SLC29A1: variants seen among roughly 807,000 people sequenced by gnomAD.
SLC29A1 encodes solute carrier family 29 member 1 (Augustine blood group).
A neutral mutation model predicts 48.3 loss-of-function variants in SLC29A1; 22 were observed. The ratio of observed to expected loss-of-function variants is 0.46; its 90% CI spans 0.33 to 0.65. The LOEUF is 0.65. Ranked by LOEUF, SLC29A1 falls within the 30% of genes least tolerant of loss-of-function variation. The probability of loss-of-function intolerance (pLI) is 0.03; values close to 1 mark genes in which losing one functional copy is unlikely to be tolerated. For missense variants in SLC29A1, 491 were observed against 575.3 expected, an observed-to-expected ratio of 0.85 and a Z score of 1.50; for synonymous variants, 228 against 231.0, an observed-to-expected ratio of 0.99 and a Z score of 0.12.
At position 44,232,649 on chromosome 6, in the gene SLC29A1, C is replaced by A; in HGVS notation, c.1060-158C>A. 1 of 693,374 alleles carries A rather than the reference C, an allele frequency of 1.4e-6. No homozygotes were observed. The allele number at this position is 693,374 out of a possible 1,614,324, so 43.0% of individuals were successfully genotyped here. ...GAGATGTAGAATATTTCCAGCACTC[C>A]AGAAGGCTCCACCATGCCCCTTTCA... On this transcript the variant is annotated intron_variant, in intron 11 of 12. Transcript: ENST00000371755. This position sits in a 1 kb window ranked among gnomAD's most constrained non-coding sequence, Gnocchi z 4.7.
intron 8 of SLC29A1, 100 bp from the exon 9 acceptor site, chr6:44,231,264 G>A (rs925372917): frequency 2.6e-6 from 2 of 774,040 alleles, no homozygotes; most frequent in Non-Finnish European, 4.5e-6. Flanking sequence ...GGTTAAGGAG[G>A]CGTCTACTTT....
Position 44,231,359 on chromosome 6 carries a change from C to A in SLC29A1, c.767-5C>A, listed in dbSNP as rs8187634. 12 of 1,579,928 alleles carry A rather than the reference C, an allele frequency of 7.6e-6. No individual in the cohort carries two copies. Among genetic ancestry groups the A allele is most frequent in the South Asian group, 5.7e-5 (5 of 88,382 alleles). ...CACAACTTGGAGATTTCTTCCATCCCGCAGGAGAGGAGCCAAGAGCAGGCA... is the reference window on the plus strand; with the variant it reads ...CACAACTTGGAGATTTCTTCCATCCAGCAGGAGAGGAGCCAAGAGCAGGCA... On this transcript the variant is annotated splice_polypyrimidine_tract_variant and splice_region_variant and intron_variant, in intron 8 of 12. Coordinates refer to ENST00000371755, the MANE Select transcript of SLC29A1 (RefSeq NM_001372327.1).
chr6:44,230,087 C>T (rs1778481019), intron 5 of SLC29A1, 41 bp downstream of exon 5: 1 of 1,599,026 alleles, frequency 6.3e-7, no homozygotes, highest in Admixed American at 1.7e-5. Context: ...GGAGGCATGC[C>T]CAACTACCCC....
At chr6:44,231,032 G>T in intron 8 of SLC29A1, 143 bp downstream of exon 8, 2 of 705,332 alleles carry the variant, frequency 2.8e-6, no homozygotes, top group Non-Finnish European at 2.5e-6. Context: ...CAGGGAGAGG[G>T]GGACAATAGG....
At chr6:44,220,961 C>A (rs1048827003), upstream of SLC29A1, among the ~76,000 whole-genome samples, 7 of 152,306 alleles carry the variant, frequency 4.6e-5, no homozygotes, top group Middle Eastern at 0.01. Context: ...CTCACTGAAG[C>A]CTTGTCCTCC....
rs369387431 is a variant in SLC29A1 at position 44,230,793 on chromosome 6, G to A, written c.688-18G>A. 8.5e-5 allele frequency: 136 copies of A among 1,609,198 alleles called. 1 individual carries two copies. The African/African-American group carries it at 1.2e-3, about 14-fold the overall frequency. On this transcript the variant is annotated intron_variant, in intron 7 of 12. Transcript: ENST00000371755. ...TTCTGCCTCTAAATCCACCTCCCCC[G>A]TCTCCCTTACTTGATAGGAATTCTA...
upstream of SLC29A1, chr6:44,221,834 G>C (rs1776464272): frequency 2.7e-6 from 1 of 371,620 alleles, no homozygotes; most frequent in African/African-American, 2.1e-5. The surrounding 1 kb of genome is among the most constrained non-coding windows in gnomAD (Gnocchi z 4.2). Flanking sequence ...AACAGCCCTG[G>C]CTGTTGCCAT....
In SLC29A1 at chr6:44,223,617, C is replaced by G. The variant is rs769758496; in HGVS notation, c.-76C>G. The G allele has an allele frequency of 5.8e-6, 7 of 1,213,806 alleles. No homozygotes were observed. In the South Asian group the frequency reaches 8.2e-5, roughly 14 times the overall value. 75.2% of individuals were successfully genotyped at this position (1,213,806 alleles called of 1,614,324 possible). On this transcript the variant is annotated 5_prime_UTR_variant, in exon 1 of 13. Transcript: ENST00000371755. The surrounding 1 kb of genome is among the most constrained non-coding windows in gnomAD (Gnocchi z 5.0). ...TGCAGCGAGAGCGCGCGGATCTCAG[C>G]GCGGGAGCAGTGCTTCTGCGGCAGG...
Position 44,232,564 on chromosome 6 carries a change from G to A in SLC29A1, c.1059+136G>A, listed in dbSNP as rs2153306305. The A allele has an allele frequency of 1.5e-6, 1 of 675,306 alleles. No homozygotes were observed. Among genetic ancestry groups the A allele is most frequent in the Non-Finnish European group, 2.6e-6 (1 of 388,332 alleles). 41.8% of individuals were successfully genotyped at this position (675,306 alleles called of 1,614,324 possible). On this transcript the variant is annotated intron_variant, in intron 11 of 12. Transcript: ENST00000371755. This position sits in a 1 kb window ranked among gnomAD's most constrained non-coding sequence, Gnocchi z 4.7. ...CGAGGCATAATTTATGTATAGTTAAGTACAAGTCTTAAGTGTACAACTTAA... is the reference window on the plus strand; with the variant it reads ...CGAGGCATAATTTATGTATAGTTAAATACAAGTCTTAAGTGTACAACTTAA...
At chr6:44,219,924 T>C (rs1776139300), upstream of SLC29A1, 1 of 485,860 alleles carries the variant, frequency 2.1e-6, no homozygotes, top group Admixed American at 4.2e-5. Context: ...TCAGAATCTT[T>C]GGTTTCTGGA....
At chr6:44,225,166 T>A (rs570248274) in intron 1 of SLC29A1, among the ~76,000 whole-genome samples, 1 of 152,104 alleles carries the variant, frequency 6.6e-6, no homozygotes, top group South Asian at 2.1e-4. Flanking sequence ...GGTATGCGGG[T>A]ATGAAGTAAG....
rs1776776088 is a variant in SLC29A1, at chr6:44,223,681, G to A, written c.-52+40G>A. 8.8e-7 allele frequency: 1 copy of A among 1,142,200 alleles called. No individual in the cohort carries two copies. The highest frequency in any genetic ancestry group is 1.7e-5 in the African/African-American group (1 of 59,946). 70.8% of individuals were successfully genotyped at this position (1,142,200 alleles called of 1,614,324 possible). On this transcript the variant is annotated intron_variant, in intron 1 of 12. Transcript: ENST00000371755. This position sits in a 1 kb window ranked among gnomAD's most constrained non-coding sequence, Gnocchi z 5.0. ...CGGGGACTGGGGACTGGGGACTGCC[G>A]GGGCGGAAGACGCCGCTGCCCGCCT... is the stretch of plus-strand genomic sequence containing the variant.
Position 44,232,319 on chromosome 6 carries a change from C to A in SLC29A1, c.974-24C>A. 6.4e-7 allele frequency: 1 copy of A among 1,551,222 alleles called. No individual in the cohort carries two copies. The highest frequency in any genetic ancestry group is 8.9e-7 in the Non-Finnish European group (1 of 1,122,642). ...ATACCTGCCTCTGTGAGCCTGATAA[C>A]CACCCGTTCATCTCCTCTTCCAGAA... is the stretch of plus-strand genomic sequence containing the variant. On this transcript the variant is annotated intron_variant, in intron 10 of 12. Coordinates refer to ENST00000371755, the MANE Select transcript of SLC29A1 (RefSeq NM_001372327.1). The surrounding 1 kb of genome is among the most constrained non-coding windows in gnomAD (Gnocchi z 4.7).
At position 44,229,905 on chromosome 6, in the gene SLC29A1, A is replaced by G; in HGVS notation, c.315-2A>G. On this transcript the variant is annotated splice_acceptor_variant, in intron 4 of 12. Coordinates refer to ENST00000371755, the MANE Select transcript of SLC29A1 (RefSeq NM_001372327.1). LOFTEE classifies it high-confidence loss of function. The surrounding 1 kb of genome is among the most constrained non-coding windows in gnomAD (Gnocchi z 5.1). ...TCTGCCACCCTTGGCCTCTCCCGGCAGGATCCCCCAGTCCGTACGGATCCT... is the reference window on the plus strand; with the variant it reads ...TCTGCCACCCTTGGCCTCTCCCGGCGGGATCCCCCAGTCCGTACGGATCCT... 6.2e-7 allele frequency: 1 copy of G among 1,612,832 alleles called. No individual in the cohort carries two copies. Among genetic ancestry groups the G allele is most frequent in the Non-Finnish European group, 8.5e-7 (1 of 1,179,968 alleles).
In SLC29A1 at chr6:44,231,478, A is replaced by G. The variant is rs1379841222; in HGVS notation, c.864+17A>G. 6.7e-7 allele frequency: 1 copy of G among 1,498,220 alleles called. No individual in the cohort carries two copies. The highest frequency in any genetic ancestry group is 1.7e-5 in the Admixed American group (1 of 58,426). 92.8% of individuals were successfully genotyped at this position (1,498,220 alleles called of 1,614,324 possible). A position where few individuals can be genotyped will look rare whatever the true frequency, so the allele number is the denominator to read the frequency against. On this transcript the variant is annotated intron_variant, in intron 9 of 12. Coordinates refer to ENST00000371755, the MANE Select transcript of SLC29A1 (RefSeq NM_001372327.1). The stretch of plus-strand genomic sequence containing the variant: ...CTGAAAAATGTACGTAGGGGAGGTT[A>G]TCCTATCTTCTACCCCTTGTCCTCT...
rs910546260 is a variant in SLC29A1, at chr6:44,233,706, T to C, written c.*178T>C. The C allele has an allele frequency of 3.3e-6, 2 of 605,248 alleles. No individual in the cohort carries two copies. The highest frequency in any genetic ancestry group is 5.9e-6 in the Non-Finnish European group (2 of 338,466). The allele number at this position is 605,248 out of a possible 1,614,324, so 37.5% of individuals were successfully genotyped here. A position where few individuals can be genotyped will look rare whatever the true frequency, so the allele number is the denominator to read the frequency against. ...GGGGAGGGAGCCTCTGGACGGACAG[T>C]GGGGACATTGTGGGTTTGGGGCTCA... is the stretch of plus-strand genomic sequence containing the variant. On this transcript the variant is annotated 3_prime_UTR_variant, in exon 13 of 13. Transcript: ENST00000371755.
At chr6:44,224,029 CTCGCGAGCGGAGGTGCAG>C (rs1776899427) in intron 1 of SLC29A1, 7 of 41,036 alleles carry the variant, frequency 1.7e-4, no homozygotes, top group Non-Finnish European at 2.0e-4. Flanking sequence ...GGGATGGAGG[CTCGCGAGCGGAGGTGCAG>C]GCTCGCGAGC....
chr6:44,223,519 G>A, upstream of SLC29A1: 1 of 1,094,728 alleles, frequency 9.1e-7, no homozygotes, highest in Non-Finnish European at 1.1e-6. The surrounding 1 kb of genome is among the most constrained non-coding windows in gnomAD (Gnocchi z 5.0). Flanking sequence ...CGTCGGGGAG[G>A]TGGCAGTGGG....
Position 44,223,649 on chromosome 6 carries a change from C to A in SLC29A1, c.-52+8C>A. The stretch of plus-strand genomic sequence containing the variant: ...GCAGTGCTTCTGCGGCAGGTGCTGC[C>A]CGGGGCCGGGGACTGGGGACTGGGG... On this transcript the variant is annotated splice_region_variant and intron_variant, in intron 1 of 12. Transcript: ENST00000371755. The surrounding 1 kb of genome is among the most constrained non-coding windows in gnomAD (Gnocchi z 5.0). 1 of 1,202,242 alleles carries A rather than the reference C, an allele frequency of 8.3e-7. No homozygotes were observed. The highest frequency in any genetic ancestry group is 1.1e-6 in the Non-Finnish European group (1 of 944,580). The allele number at this position is 1,202,242 out of a possible 1,614,324, so 74.5% of individuals were successfully genotyped here.
Sources: gnomAD v4.1 joint callset for allele counts (sites outside exome capture counted in the v4.1 genomes callset) on GRCh38, gnomAD v4.1.1 for gene constraint, Gnocchi (gnomAD v3.1) non-coding constraint, MANE v1.5 for transcripts, NCBI Gene and HGNC (gene_info 2026-07-23, HGNC 2026-07-21) for gene names.